Variants in ROBO2 observed in about 807,000 individuals in gnomAD.
ROBO2 encodes roundabout guidance receptor 2.
ROBO2 carries 53 observed loss-of-function variants against 160.8 expected under a neutral mutation model. The observed-to-expected ratio is 0.33, with a 90% CI of 0.26 to 0.41. ROBO2 has a LOEUF of 0.41. Ranked by LOEUF, ROBO2 falls within the 10% of genes least tolerant of loss-of-function variation. The pLI, the probability that ROBO2 is intolerant of heterozygous loss-of-function variation, is 1.00. For synonymous variants in ROBO2, 664 were observed against 611.7 expected (o/e 1.09, Z -1.26); for missense variants, 1,577 against 1,722.4 (o/e 0.92, Z 1.49).
intron 2 of ROBO2, among the ~76,000 whole-genome samples, chr3:77,334,736 G>GTATA (rs111657603): frequency 0.01 from 1,539 of 150,168 alleles, 14 homozygotes; most frequent in Non-Finnish European, 0.014. Flanking sequence ...TTCAGGAACT[G>GTATA]TATATATATA....
intron 2 of ROBO2, among the ~76,000 whole-genome samples, chr3:76,937,987 C>CAACT (rs1254274687): frequency 6.6e-6 from 1 of 152,092 alleles, no homozygotes; most frequent in East Asian, 1.9e-4. Flanking sequence ...GCACTGGGTG[C>CAACT]AGTTAGGTAA....
At chr3:76,651,388 T>G (rs2091251958) in intron 2 of ROBO2, among the ~76,000 whole-genome samples, 2 of 152,158 alleles carry the variant, frequency 1.3e-5, no homozygotes, top group Admixed American at 6.5e-5. Context: ...CCTCCTAGGA[T>G]ACTGCAAATC....
At chr3:76,854,527 A>G (rs1223989260) in intron 2 of ROBO2, among the ~76,000 whole-genome samples, 1 of 152,164 alleles carries the variant, frequency 6.6e-6, no homozygotes, top group Non-Finnish European at 1.5e-5. Context: ...TGGTTTTCCA[A>G]TAATACCCAG....
intron 2 of ROBO2, among the ~76,000 whole-genome samples, chr3:76,798,301 AAAGAAAG>A (rs1331630218): frequency 6.6e-6 from 1 of 150,878 alleles, no homozygotes; most frequent in Non-Finnish European, 1.5e-5. Flanking sequence ...AGAAAGAAAG[AAAGAAAG>A]AAAGAAAAAA....
At position 75,921,066 on chromosome 3, in the gene ROBO2, T is replaced by C. The variant is rs572689168; in HGVS notation, c.-14+14106T>C. 1.3e-4 allele frequency among the ~76,000 whole-genome samples: 20 copies of C among 152,288 alleles called. No homozygotes were observed. In the South Asian group the frequency reaches 2.7e-3, roughly 20 times the overall value. ...ATATTATTATGTGTGAATTTGATCC[T>C]GTGATCATGATGCTAGCTGGTTATT... On this transcript the variant is annotated intron_variant, in intron 1 of 26. Transcript: ENST00000487694.
chr3:76,789,367 G>A (rs557242463), intron 2 of ROBO2, among the ~76,000 whole-genome samples: 51 of 151,614 alleles, frequency 3.4e-4, no homozygotes, highest in African/African-American at 1.2e-3. Context: ...AGCAGCCTGC[G>A]CTGGCAACTC....
chr3:76,692,527 GT>G (rs886770947), intron 2 of ROBO2, among the ~76,000 whole-genome samples: 5 of 152,072 alleles, frequency 3.3e-5, no homozygotes, highest in African/African-American at 1.2e-4. Flanking sequence ...ATTTGAGGCA[GT>G]TTTTTAGAAC....
chr3:76,868,785 A>G (rs1227832698), intron 2 of ROBO2, among the ~76,000 whole-genome samples: 1 of 151,796 alleles, frequency 6.6e-6, no homozygotes. Flanking sequence ...TAGGAACTCA[A>G]AAAAAAAGCA....
chr3:77,242,739 G>T (rs972234761), intron 2 of ROBO2, among the ~76,000 whole-genome samples: 1 of 151,736 alleles, frequency 6.6e-6, no homozygotes, highest in Admixed American at 6.6e-5. Context: ...GTAGAGGAGA[G>T]AGCAGCTGAT....
chr3:77,152,064 G>T, intron 2 of ROBO2, among the ~76,000 whole-genome samples: 1 of 151,710 alleles, frequency 6.6e-6, no homozygotes, highest in Non-Finnish European at 1.5e-5. Context: ...TGATTTTCTG[G>T]GCATATTCCT....
intron 2 of ROBO2, among the ~76,000 whole-genome samples, chr3:76,461,040 T>C (rs2078058775): frequency 1.3e-5 from 2 of 152,176 alleles, no homozygotes; most frequent in African/African-American, 2.4e-5. Flanking sequence ...AAGAAATACC[T>C]GAGACTGGGT....
chr3:76,886,012 A>G (rs1321142236), intron 2 of ROBO2, among the ~76,000 whole-genome samples: 1 of 151,918 alleles, frequency 6.6e-6, no homozygotes, highest in East Asian at 1.9e-4. Flanking sequence ...CTGATTAATT[A>G]TTTTTTCCTT....
At chr3:77,057,520 T>C (rs1578591771) in intron 1 of ROBO2, among the ~76,000 whole-genome samples, 1 of 151,922 alleles carries the variant, frequency 6.6e-6, no homozygotes, top group South Asian at 2.1e-4. Flanking sequence ...CATTGCATTT[T>C]TGTGAGTTAA....
chr3:77,589,288 G>T (rs2094128261), intron 17 of ROBO2, among the ~76,000 whole-genome samples: 1 of 152,108 alleles, frequency 6.6e-6, no homozygotes, highest in South Asian at 2.1e-4. Flanking sequence ...TGTTTGAGAA[G>T]TGGATTTATG....
chr3:76,348,518 C>A (rs1252931545), intron 2 of ROBO2, among the ~76,000 whole-genome samples: 2 of 152,122 alleles, frequency 1.3e-5, no homozygotes, highest in Non-Finnish European at 2.9e-5. Flanking sequence ...TAGGCTACTT[C>A]TCCTGAAGGC....
At chr3:77,262,692 A>T (rs2058852430) in intron 2 of ROBO2, among the ~76,000 whole-genome samples, 1 of 152,138 alleles carries the variant, frequency 6.6e-6, no homozygotes, top group South Asian at 2.1e-4. Context: ...AAAATAATTT[A>T]AAAAAATCCC....
At chr3:77,250,750 G>A (rs745674634) in intron 2 of ROBO2, among the ~76,000 whole-genome samples, 155 of 152,240 alleles carry the variant, frequency 1.0e-3, no homozygotes, top group Non-Finnish European at 1.7e-3. Context: ...GCAAAAAGGT[G>A]GGAGGGCAAA....
intron 2 of ROBO2, among the ~76,000 whole-genome samples, chr3:77,416,716 C>CAA (rs61204363): frequency 3.1e-4 from 28 of 89,976 alleles, no homozygotes; most frequent in Admixed American, 4.0e-4. Flanking sequence ...GATTCCATCT[C>CAA]AAAAAAAAAA....
intron 2 of ROBO2, among the ~76,000 whole-genome samples, chr3:76,095,522 A>G (rs1013521774): frequency 2.0e-5 from 3 of 152,146 alleles, no homozygotes; most frequent in Non-Finnish European, 4.4e-5. Context: ...AATTGATATA[A>G]TGATAACTCA....
Sources: gnomAD v4.1 joint callset for allele counts (sites outside exome capture counted in the v4.1 genomes callset) on GRCh38, gnomAD v4.1.1 for gene constraint, MANE v1.5 for transcripts, NCBI Gene and HGNC (gene_info 2026-07-23, HGNC 2026-07-21) for gene names.